The following RBFOX1 variants were observed in gnomAD, a reference collection of about 807,000 sequenced individuals.
The protein encoded by RBFOX1 is RNA binding protein fox-1 homolog 1.
RBFOX1 carries 8 observed loss-of-function variants against 57.7 expected under a neutral mutation model. The observed-to-expected ratio is 0.14, with a 90% CI of 0.08 to 0.25. RBFOX1 has a LOEUF of 0.25. Among genes scored for constraint, RBFOX1 ranks in the 10% least tolerant of loss-of-function variants. The pLI is 1.00. For missense variants in RBFOX1, 611 were observed against 548.5 expected, an observed-to-expected ratio of 1.11 and a Z score of -1.14; for synonymous variants, 326 against 222.4, an observed-to-expected ratio of 1.47 and a Z score of -4.15.
chr16:6,779,711 T>TTA (rs1309571687), intron 3 of RBFOX1, among the ~76,000 whole-genome samples: 1 of 117,102 alleles, frequency 8.5e-6, no homozygotes, highest in South Asian at 2.4e-4. Flanking sequence ...ATATATATAT[T>TTA]TATATATATA....
At chr16:5,838,916 C>T (rs2056542891) in intron 3 of RBFOX1, among the ~76,000 whole-genome samples, 1 of 152,164 alleles carries the variant, frequency 6.6e-6, no homozygotes, top group Non-Finnish European at 1.5e-5. Flanking sequence ...CTCAAGATGA[C>T]TTTGAGAGGT....
intron 1 of RBFOX1, among the ~76,000 whole-genome samples, chr16:5,450,221 G>A (rs897598301): frequency 1.3e-5 from 2 of 152,170 alleles, no homozygotes; most frequent in Non-Finnish European, 2.9e-5. Context: ...CTTCAATTCT[G>A]TCTCCCTCCT....
At chr16:5,693,753 A>G (rs9635552) in intron 3 of RBFOX1, among the ~76,000 whole-genome samples, 35,007 of 152,116 alleles carry the variant, frequency 0.23, 5,533 homozygotes, top group East Asian at 0.81. Flanking sequence ...AAGCCTGGCT[A>G]TGATTCTTTT....
At chr16:5,385,800 A>G (rs1251330140) in intron 1 of RBFOX1, among the ~76,000 whole-genome samples, 3 of 152,194 alleles carry the variant, frequency 2.0e-5, no homozygotes, top group Non-Finnish European at 4.4e-5. Flanking sequence ...TCTGTTTTCC[A>G]TGAATCCCTC....
At chr16:7,235,306 G>A (rs916593998) in intron 4 of RBFOX1, among the ~76,000 whole-genome samples, 1 of 152,154 alleles carries the variant, frequency 6.6e-6, no homozygotes, top group Admixed American at 6.5e-5. Context: ...GACTAAGTGT[G>A]GCAACCAGTG....
chr16:5,905,130 C>A (rs1289828110), intron 4 of RBFOX1, among the ~76,000 whole-genome samples: 1 of 126,460 alleles, frequency 7.9e-6, no homozygotes, highest in African/African-American at 3.0e-5. Context: ...TGCAATGGTA[C>A]AATCTTGGCT....
chr16:6,869,552 G>C (rs955907031), intron 3 of RBFOX1, among the ~76,000 whole-genome samples: 1 of 151,910 alleles, frequency 6.6e-6, no homozygotes, highest in African/African-American at 2.4e-5. Flanking sequence ...TTCATAAAAG[G>C]AGATTAACAT....
At chr16:6,608,445 T>G (rs1419703127) in intron 2 of RBFOX1, among the ~76,000 whole-genome samples, 1 of 152,186 alleles carries the variant, frequency 6.6e-6, no homozygotes, top group Non-Finnish European at 1.5e-5. Context: ...TTCACCCTTA[T>G]TCGTTTCCTG....
intron 1 of RBFOX1, among the ~76,000 whole-genome samples, chr16:6,195,207 A>G (rs1479628430): frequency 6.6e-6 from 1 of 152,158 alleles, no homozygotes; most frequent in South Asian, 2.1e-4. Context: ...CCGCCTTTTT[A>G]TCCCCATTAT....
At chr16:7,159,084 A>G (rs2077740214) in intron 4 of RBFOX1, among the ~76,000 whole-genome samples, 2 of 151,592 alleles carry the variant, frequency 1.3e-5, no homozygotes, top group African/African-American at 2.4e-5. Flanking sequence ...GTTCTATCAT[A>G]TCAAGAATAT....
At chr16:5,989,875 CA>C (rs769309828) in intron 4 of RBFOX1, among the ~76,000 whole-genome samples, 4,532 of 118,742 alleles carry the variant, frequency 0.038, 154 homozygotes, top group East Asian at 0.16. Flanking sequence ...CACACACACA[CA>C]CACACCACCC....
rs1333955341 is a variant in RBFOX1, at chr16:6,714,074, A to G, written c.-16+59424A>G. On this transcript the variant is annotated intron_variant, in intron 3 of 15. Transcript: ENST00000550418. ...TTGTGGGGGTGGTTTCCCCCATGCC[A>G]TTCTTGTGATAGTAAGTGAATTTTC... 3.3e-5 allele frequency among the ~76,000 whole-genome samples: 5 copies of G among 152,310 alleles called. No individual in the cohort carries two copies. The East Asian group carries it at 9.7e-4, about 29-fold the overall frequency.
rs79964692 is a variant in RBFOX1 at position 7,373,721 on chromosome 16, A to G, written c.28-144426A>G. Among the ~76,000 whole-genome samples, 635 of 152,358 alleles carry G rather than the reference A, an allele frequency of 4.2e-3. 5 individuals are homozygous for G. Among genetic ancestry groups the G allele is most frequent in the African/African-American group, 0.015 (606 of 41,580 alleles). On this transcript the variant is annotated intron_variant, in intron 4 of 15. Transcript: ENST00000550418. The stretch of plus-strand genomic sequence containing the variant: ...TCAGTTATTGAAGTTGATCATTGCA[A>G]TAGTTGATACAGGGGCCCAGCTCTT...
chr16:5,505,583 T>C (rs540985760), intron 2 of RBFOX1, among the ~76,000 whole-genome samples: 1 of 152,260 alleles, frequency 6.6e-6, no homozygotes, highest in Admixed American at 6.5e-5. Context: ...GGGAGGAGCT[T>C]ACATGCAACT....
chr16:7,348,897 A>G (rs1025121004), intron 4 of RBFOX1, among the ~76,000 whole-genome samples: 1 of 152,060 alleles, frequency 6.6e-6, no homozygotes, highest in Non-Finnish European at 1.5e-5. Context: ...AGCCAAGATT[A>G]CGCCACTGCA....
At chr16:5,969,710 G>C (rs968864687) in intron 4 of RBFOX1, among the ~76,000 whole-genome samples, 1 of 151,760 alleles carries the variant, frequency 6.6e-6, no homozygotes, top group East Asian at 1.9e-4. Flanking sequence ...TGTTGTTTTT[G>C]CTTCTTTTCA....
chr16:7,712,227 A>T lies in RBFOX1; in HGVS notation c.*1482A>T, dbSNP rs1342552956. The T allele has an allele frequency of 1.3e-5, 2 of 152,616 alleles. No individual in the cohort carries two copies. The highest frequency in any genetic ancestry group is 3.9e-4 in the East Asian group (2 of 5,166). 9.5% of individuals were successfully genotyped at this position (152,616 alleles called of 1,614,324 possible). A position where few individuals can be genotyped will look rare whatever the true frequency, so the allele number is the denominator to read the frequency against. On this transcript the variant is annotated 3_prime_UTR_variant, in exon 16 of 16. Transcript: ENST00000550418. Reference sequence around the variant, plus strand: ...GGGTCTTCCTGTTTTGTATTTAAATAAAAACAACAGCAGCAGGCTGTCCCT... The same window carrying T: ...GGGTCTTCCTGTTTTGTATTTAAATTAAAACAACAGCAGCAGGCTGTCCCT...
intron 4 of RBFOX1, among the ~76,000 whole-genome samples, chr16:7,150,040 T>C (rs2075815119): frequency 6.6e-6 from 1 of 152,170 alleles, no homozygotes. Context: ...TTACAACTCT[T>C]AGGGGAAGCT....
chr16:5,718,414 G>C (rs2051799059), intron 3 of RBFOX1, among the ~76,000 whole-genome samples: 1 of 152,216 alleles, frequency 6.6e-6, no homozygotes, highest in South Asian at 2.1e-4. Context: ...TTAAGCCACT[G>C]AGTTTTGGTG....
Sources: allele counts gnomAD v4.1 joint callset (sites outside exome capture counted in the v4.1 genomes callset), GRCh38; gene constraint gnomAD v4.1.1; transcripts MANE v1.5; gene names NCBI Gene and HGNC (gene_info 2026-07-23, HGNC 2026-07-21).